Variants in TANGO6 observed in about 807,000 individuals in gnomAD.
TANGO6 encodes the protein transport and golgi organization 6 homolog, also known as transport and Golgi organization protein 6 homolog.
Under a neutral mutation model 114.2 loss-of-function variants are expected in TANGO6, and 90 were observed. That is an observed-to-expected ratio of 0.79 (90% CI 0.66 to 0.94). The LOEUF is 0.94. TANGO6 is among the 40% of genes least tolerant of loss of function. The probability of loss-of-function intolerance (pLI) is 0.00; values close to 1 mark genes in which losing one functional copy is unlikely to be tolerated. For synonymous variants in TANGO6, 477 were observed against 509.8 expected (o/e 0.94, Z 0.87); for missense variants, 1,274 against 1,315.3 (o/e 0.97, Z 0.49).
At chr16:68,886,955 CA>C (rs1962547767) in intron 7 of TANGO6, among the ~76,000 whole-genome samples, 1 of 151,854 alleles carries the variant, frequency 6.6e-6, no homozygotes, top group Admixed American at 6.6e-5. Flanking sequence ...TTACAGGCGC[CA>C]GCCACCACAC....
intron 14 of TANGO6, among the ~76,000 whole-genome samples, chr16:68,939,011 G>A (rs564846379): frequency 6.8e-6 from 1 of 146,314 alleles, no homozygotes; most frequent in South Asian, 2.2e-4. Flanking sequence ...GGTCAAGGCT[G>A]CAGTGAGTTA....
At chr16:68,980,385 C>CTATCTGTCTGTCAT in intron 15 of TANGO6, among the ~76,000 whole-genome samples, 1 of 46,866 alleles carries the variant, frequency 2.1e-5, no homozygotes, top group Non-Finnish European at 4.1e-5. Flanking sequence ...GTCTGTCATT[C>CTATCTGTCTGTCAT]TCTCTCTCTC....
intron 1 of TANGO6, among the ~76,000 whole-genome samples, chr16:68,859,033 G>C (rs1962044193): frequency 6.6e-6 from 1 of 152,124 alleles, no homozygotes; most frequent in Non-Finnish European, 1.5e-5. Flanking sequence ...ATAGGAAATA[G>C]ATATCTGTTG....
intron 17 of TANGO6, among the ~76,000 whole-genome samples, chr16:69,057,812 A>G (rs975227851): frequency 2.0e-5 from 3 of 152,334 alleles, no homozygotes; most frequent in Admixed American, 6.5e-5. Context: ...ACCTGCCAAC[A>G]GGAGCTCTGT....
chr16:68,878,031 T>A (rs563944685), intron 5 of TANGO6, 87 bp from the exon 6 acceptor site: 1 of 1,153,622 alleles, frequency 8.7e-7, no homozygotes, highest in Non-Finnish European at 1.2e-6. Flanking sequence ...TTATTTTTTG[T>A]CTTAAAGAAA....
chr16:68,955,590 A>G (rs1260997390), intron 14 of TANGO6, among the ~76,000 whole-genome samples: 1 of 152,202 alleles, frequency 6.6e-6, no homozygotes, highest in Non-Finnish European at 1.5e-5. Flanking sequence ...GTACGTGAAA[A>G]TGTGAAAATA....
intron 17 of TANGO6, among the ~76,000 whole-genome samples, chr16:69,047,361 G>T (rs1959879380): frequency 6.6e-6 from 1 of 152,062 alleles, no homozygotes; most frequent in African/African-American, 2.4e-5. Flanking sequence ...GAGGCATGAT[G>T]GTGGTTGCCT....
At chr16:68,948,330 T>C (rs1042342554) in intron 14 of TANGO6, 2 of 152,188 alleles carry the variant, frequency 1.3e-5, no homozygotes, top group African/African-American at 4.8e-5. Flanking sequence ...AAGTTAGCAT[T>C]TATTGAGTAT....
At chr16:68,893,128 G>A (rs982170492) in intron 7 of TANGO6, among the ~76,000 whole-genome samples, 1 of 152,148 alleles carries the variant, frequency 6.6e-6, no homozygotes, top group Admixed American at 6.6e-5. Context: ...TTTTGTTGGA[G>A]TGGTGGTTAA....
At chr16:68,848,478 A>G (rs1419760055) in intron 1 of TANGO6, among the ~76,000 whole-genome samples, 5 of 152,066 alleles carry the variant, frequency 3.3e-5, no homozygotes, top group Non-Finnish European at 7.4e-5. Flanking sequence ...ACTGTTTTAT[A>G]ACCCTAAAAT....
intron 14 of TANGO6, among the ~76,000 whole-genome samples, chr16:68,947,632 C>A (rs1333442419): frequency 7.2e-6 from 1 of 139,414 alleles, no homozygotes; most frequent in Non-Finnish European, 1.5e-5. Context: ...CCCTCTGTTG[C>A]CCAGGCTGGA....
At chr16:69,040,245 A>G in intron 16 of TANGO6, 63 bp from the exon 17 acceptor site, 1 of 1,398,012 alleles carries the variant, frequency 7.2e-7, no homozygotes, top group Non-Finnish European at 9.9e-7. Flanking sequence ...AACACAGTTG[A>G]AAGGTTATAG....
Position 69,040,272 on chromosome 16 carries a change from G to A in TANGO6, c.2995-36G>A, listed in dbSNP as rs1464094796. 1.9e-6 allele frequency: 3 copies of A among 1,540,218 alleles called. No individual in the cohort carries two copies. The African/African-American group carries it at 4.1e-5, about 21-fold the overall frequency. On this transcript the variant is annotated intron_variant, in intron 16 of 17. Coordinates refer to ENST00000261778, the MANE Select transcript of TANGO6 (RefSeq NM_024562.2). ...AGGTTATAGGTAATTGTGCAACTCTGATTCTTATCAACTTCATCTTCCTTC... is the reference window on the plus strand; with the variant it reads ...AGGTTATAGGTAATTGTGCAACTCTAATTCTTATCAACTTCATCTTCCTTC...
At chr16:69,062,992 C>T (rs948707323) in intron 17 of TANGO6, among the ~76,000 whole-genome samples, 1 of 151,474 alleles carries the variant, frequency 6.6e-6, no homozygotes, top group African/African-American at 2.4e-5. Context: ...CTTTGGGAGG[C>T]CGAAACAGGT....
chr16:68,877,207 C>T (rs764942086), intron 5 of TANGO6, among the ~76,000 whole-genome samples: 9 of 152,262 alleles, frequency 5.9e-5, no homozygotes, highest in African/African-American at 9.6e-5. Flanking sequence ...CGGTGGCTCA[C>T]GCCTGTAATC....
intron 17 of TANGO6, among the ~76,000 whole-genome samples, chr16:69,080,251 A>G (rs533634046): frequency 6.6e-6 from 1 of 152,272 alleles, no homozygotes; most frequent in African/African-American, 2.4e-5. Context: ...TATGGTACAC[A>G]ACAGAGCGTA....
intron 17 of TANGO6, among the ~76,000 whole-genome samples, chr16:69,044,158 G>A (rs1959814564): frequency 6.6e-6 from 1 of 152,092 alleles, no homozygotes; most frequent in African/African-American, 2.4e-5. Context: ...TCCACCTCCC[G>A]GGTTCAAGCA....
chr16:68,846,904 T>G (rs542000669), intron 1 of TANGO6: 33 of 151,968 alleles, frequency 2.2e-4, no homozygotes, highest in African/African-American at 8.0e-4. Context: ...TTTTTTTTTT[T>G]TTTGTGGCGG....
At chr16:68,844,030 A>G (rs902760046) in intron 1 of TANGO6, among the ~76,000 whole-genome samples, 36 of 152,094 alleles carry the variant, frequency 2.4e-4, no homozygotes, top group African/African-American at 8.7e-4. Flanking sequence ...GGGGATATGG[A>G]CCCAGCTCCA....
Sources: gnomAD v4.1 joint callset for allele counts (sites outside exome capture counted in the v4.1 genomes callset) on GRCh38, gnomAD v4.1.1 for gene constraint, MANE v1.5 for transcripts, NCBI Gene and HGNC (gene_info 2026-07-23, HGNC 2026-07-21) for gene names.